Variants in PPP3CA observed in about 807,000 individuals in gnomAD.
PPP3CA encodes CAM-PRP catalytic subunit.
Under a neutral mutation model 66.5 loss-of-function variants are expected in PPP3CA, and 14 were observed. The observed-to-expected ratio is 0.21, with a 90% CI of 0.14 to 0.33. The LOEUF is 0.33. Among genes scored for constraint, PPP3CA ranks in the 10% least tolerant of loss-of-function variants. The pLI is 1.00. For missense variants in PPP3CA, 317 were observed against 639.5 expected, an observed-to-expected ratio of 0.50 and a Z score of 5.44; for synonymous variants, 232 against 226.2, an observed-to-expected ratio of 1.03 and a Z score of -0.23.
intron 1 of PPP3CA, among the ~76,000 whole-genome samples, chr4:101,222,412 G>A (rs1273380748): frequency 6.6e-6 from 1 of 151,486 alleles, no homozygotes; most frequent in East Asian, 1.9e-4. Flanking sequence ...AATAACAATG[G>A]TATGCCATAA....
intron 2 of PPP3CA, among the ~76,000 whole-genome samples, chr4:101,128,612 C>T (rs1051954312): frequency 8.6e-5 from 13 of 151,356 alleles, no homozygotes; most frequent in African/African-American, 2.2e-4. Context: ...AGAAGCAGGG[C>T]GGGGCGTCAC....
intron 2 of PPP3CA, among the ~76,000 whole-genome samples, chr4:101,146,977 T>G (rs987866753): frequency 6.6e-6 from 1 of 152,220 alleles, no homozygotes; most frequent in Non-Finnish European, 1.5e-5. Flanking sequence ...TAGGGATGCT[T>G]AAACTGTATC....
At chr4:101,212,626 A>G (rs1046168484) in intron 1 of PPP3CA, among the ~76,000 whole-genome samples, 1 of 152,072 alleles carries the variant, frequency 6.6e-6, no homozygotes, top group African/African-American at 2.4e-5. Context: ...TAAAAGTTGA[A>G]GGGGGAAAAA....
At chr4:101,087,906 C>A (rs1729740232) in intron 6 of PPP3CA, among the ~76,000 whole-genome samples, 1 of 152,072 alleles carries the variant, frequency 6.6e-6, no homozygotes. Flanking sequence ...GATCAGGTGA[C>A]CTTCTCTGCA....
At chr4:101,225,216 A>C (rs1250148047) in intron 1 of PPP3CA, among the ~76,000 whole-genome samples, 1 of 151,728 alleles carries the variant, frequency 6.6e-6, no homozygotes, top group Non-Finnish European at 1.5e-5. Flanking sequence ...TTGATTTATA[A>C]TTTATCTTTT....
chr4:101,129,941 C>T (rs959649915), intron 2 of PPP3CA, among the ~76,000 whole-genome samples: 2 of 152,058 alleles, frequency 1.3e-5, no homozygotes, highest in Non-Finnish European at 2.9e-5. Context: ...TGCATAATAA[C>T]AAACTCCTCC....
chr4:101,124,708 A>G (rs1210510092), intron 2 of PPP3CA, among the ~76,000 whole-genome samples: 2 of 105,654 alleles, frequency 1.9e-5, no homozygotes, highest in African/African-American at 7.9e-5. Flanking sequence ...AAAGAAAGAA[A>G]GAAAGAAAGA....
intron 2 of PPP3CA, among the ~76,000 whole-genome samples, chr4:101,186,070 C>T (rs577406271): frequency 1.2e-4 from 18 of 152,198 alleles, no homozygotes; most frequent in African/African-American, 3.6e-4. Flanking sequence ...ATTGTTTTGA[C>T]GCATGATCCT....
chr4:101,306,715 T>C (rs558194864), intron 1 of PPP3CA, among the ~76,000 whole-genome samples: 3 of 152,340 alleles, frequency 2.0e-5, no homozygotes, highest in African/African-American at 4.8e-5. Flanking sequence ...TCTGACTTAC[T>C]GTAATTCTGA....
At chr4:101,027,060 A>T (rs988157254) in intron 13 of PPP3CA, among the ~76,000 whole-genome samples, 2 of 152,156 alleles carry the variant, frequency 1.3e-5, no homozygotes, top group Non-Finnish European at 2.9e-5. Context: ...AAACTTAATG[A>T]TTTCTTCAGT....
At chr4:101,066,366 A>T (rs1005193756) in intron 8 of PPP3CA, among the ~76,000 whole-genome samples, 1 of 152,114 alleles carries the variant, frequency 6.6e-6, no homozygotes, top group Non-Finnish European at 1.5e-5. Flanking sequence ...AGTCTCAGTT[A>T]CCTAACTACG....
At chr4:101,101,307 A>G (rs1387852084) in intron 3 of PPP3CA, among the ~76,000 whole-genome samples, 1 of 152,130 alleles carries the variant, frequency 6.6e-6, no homozygotes, top group African/African-American at 2.4e-5. Context: ...CGGGTTTTAT[A>G]GCTGTACTTA....
At chr4:101,027,775 A>G (rs1045469998) in intron 13 of PPP3CA, among the ~76,000 whole-genome samples, 1 of 152,134 alleles carries the variant, frequency 6.6e-6, no homozygotes, top group African/African-American at 2.4e-5. Context: ...ATAGGGTGGG[A>G]GTGTTAAAAA....
Position 101,258,491 on chromosome 4 carries a change from G to A in PPP3CA, c.59-62375C>T, listed in dbSNP as rs920596562. On this transcript the variant is annotated intron_variant, in intron 1 of 13. Coordinates refer to ENST00000394854, the MANE Select transcript of PPP3CA (RefSeq NM_000944.5). ...TGTTTTAGACACTAACTTTCCAACT[G>A]GAAACAGTAAATACTATCTAAATTA... Among the ~76,000 whole-genome samples the A allele has an allele frequency of 2.0e-5, 3 of 152,178 alleles. No individual in the cohort carries two copies. The East Asian group carries it at 5.8e-4, about 29-fold the overall frequency.
chr4:101,176,338 T>C (rs1314898645), intron 2 of PPP3CA, among the ~76,000 whole-genome samples: 1 of 152,084 alleles, frequency 6.6e-6, no homozygotes, highest in Non-Finnish European at 1.5e-5. Context: ...AAAGCAACAA[T>C]AACGTGCTGC....
At chr4:101,166,277 C>T (rs1205140925) in intron 2 of PPP3CA, among the ~76,000 whole-genome samples, 1 of 152,112 alleles carries the variant, frequency 6.6e-6, no homozygotes, top group Non-Finnish European at 1.5e-5. Context: ...CTGAGGTACA[C>T]AATTCTTTGG....
At chr4:101,031,804 T>C (rs889891679) in intron 12 of PPP3CA, among the ~76,000 whole-genome samples, 12 of 152,220 alleles carry the variant, frequency 7.9e-5, no homozygotes, top group African/African-American at 2.9e-4. Flanking sequence ...GCTTCCAATT[T>C]CCATTCAAGA....
At chr4:101,174,544 G>A (rs953738123) in intron 2 of PPP3CA, among the ~76,000 whole-genome samples, 2 of 152,154 alleles carry the variant, frequency 1.3e-5, no homozygotes, top group Admixed American at 6.6e-5. Flanking sequence ...TAAGTATTAT[G>A]AGAATAACTT....
chr4:101,031,606 T>TATAG (rs1236209484), intron 12 of PPP3CA, among the ~76,000 whole-genome samples: 7 of 152,174 alleles, frequency 4.6e-5, no homozygotes, highest in African/African-American at 1.7e-4. Context: ...GCGGCTTCTG[T>TATAG]ATAGATACAG....
Sources: gnomAD v4.1 joint callset for allele counts (sites outside exome capture counted in the v4.1 genomes callset) on GRCh38, gnomAD v4.1.1 for gene constraint, MANE v1.5 for transcripts, NCBI Gene and HGNC (gene_info 2026-07-23, HGNC 2026-07-21) for gene names.